Variants in GPC5 observed in about 807,000 individuals in gnomAD.
GPC5 encodes glypican-5.
In GPC5, 47 loss-of-function variants were observed where a neutral mutation model predicts 53.9. The observed-to-expected ratio is 0.87, with a 90% CI of 0.69 to 1.11. The LOEUF is 1.11. GPC5 is among the 50% of genes most tolerant of loss of function. The pLI is 0.00. For missense variants in GPC5, 748 were observed against 713.1 expected, an observed-to-expected ratio of 1.05 and a Z score of -0.56; for synonymous variants, 286 against 263.3, an observed-to-expected ratio of 1.09 and a Z score of -0.84.
In GPC5 at chr13:92,404,170, T is replaced by C. The variant is rs146138717; in HGVS notation, c.1561+259181T>C. Among the ~76,000 whole-genome samples the C allele has an allele frequency of 3.7e-3, 559 of 152,352 alleles. 1 individual carries two copies. The highest frequency in any genetic ancestry group is 0.012 in the African/African-American group (488 of 41,584). ...AGTTAAACAGAAAATGTTTTCAGAATAGCTAATCTTTCCCCCTTTATCCTC... is the reference window on the plus strand; with the variant it reads ...AGTTAAACAGAAAATGTTTTCAGAACAGCTAATCTTTCCCCCTTTATCCTC... On this transcript the variant is annotated intron_variant, in intron 7 of 7. Coordinates refer to ENST00000377067, the MANE Select transcript of GPC5 (RefSeq NM_004466.6).
intron 4 of GPC5, among the ~76,000 whole-genome samples, chr13:91,730,164 T>G (rs1479269120): frequency 6.6e-6 from 1 of 152,232 alleles, no homozygotes; most frequent in Non-Finnish European, 1.5e-5. Context: ...ATTTCAATTT[T>G]ACACTAATTT....
At chr13:92,186,557 T>TG (rs2042185232) in intron 7 of GPC5, among the ~76,000 whole-genome samples, 1 of 151,868 alleles carries the variant, frequency 6.6e-6, no homozygotes, top group Non-Finnish European at 1.5e-5. Context: ...CTTAGTAAGG[T>TG]TTTAAAATAT....
intron 6 of GPC5, among the ~76,000 whole-genome samples, chr13:92,092,897 G>T (rs2138899108): frequency 6.6e-6 from 1 of 152,206 alleles, no homozygotes; most frequent in East Asian, 1.9e-4. Context: ...GAATATATAG[G>T]CAGACATTCA....
chr13:92,106,997 T>A (rs181234079), intron 6 of GPC5, among the ~76,000 whole-genome samples: 36 of 152,270 alleles, frequency 2.4e-4, no homozygotes, highest in Middle Eastern at 3.4e-3. Context: ...AAGGGGTTTT[T>A]ACCTATATTA....
At chr13:92,361,127 A>G (rs1339189709) in intron 7 of GPC5, among the ~76,000 whole-genome samples, 3 of 151,790 alleles carry the variant, frequency 2.0e-5, no homozygotes, top group African/African-American at 7.3e-5. Context: ...GGAAAACAAT[A>G]TCTCCATTTT....
intron 7 of GPC5, among the ~76,000 whole-genome samples, chr13:92,460,144 TA>T (rs1201843895): frequency 3.9e-5 from 6 of 151,992 alleles, no homozygotes; most frequent in Admixed American, 1.3e-4. Flanking sequence ...GCCATAAAAA[TA>T]AAAAAAATTT....
At chr13:91,895,421 C>A (rs1369550665) in intron 5 of GPC5, among the ~76,000 whole-genome samples, 1 of 152,150 alleles carries the variant, frequency 6.6e-6, no homozygotes, top group Admixed American at 6.5e-5. Context: ...GAGATAATTA[C>A]CCTTGACTAC....
chr13:91,865,595 A>T (rs2039074635), intron 5 of GPC5, among the ~76,000 whole-genome samples: 1 of 151,928 alleles, frequency 6.6e-6, no homozygotes, highest in African/African-American at 2.4e-5. Context: ...CTAACGTCAC[A>T]TTTTTTTTAA....
intron 7 of GPC5, among the ~76,000 whole-genome samples, chr13:92,376,555 G>T (rs538592665): frequency 1.1e-4 from 16 of 152,288 alleles, no homozygotes; most frequent in Non-Finnish European, 1.5e-4. Context: ...ATTAAGTGCA[G>T]TAAGTTCCTC....
intron 5 of GPC5, among the ~76,000 whole-genome samples, chr13:91,893,103 C>A (rs2039404907): frequency 6.6e-6 from 1 of 151,860 alleles, no homozygotes; most frequent in Non-Finnish European, 1.5e-5. Flanking sequence ...ATTAAACAAG[C>A]AATATTAAAT....
chr13:92,559,226 TGCAATGA>T (rs1264481963), intron 7 of GPC5, among the ~76,000 whole-genome samples: 1 of 151,658 alleles, frequency 6.6e-6, no homozygotes, highest in East Asian at 2.0e-4. Context: ...AAGCATAAAA[TGCAATGA>T]CGAAAGAGAT....
At chr13:92,576,343 G>A (rs530690994) in intron 7 of GPC5, among the ~76,000 whole-genome samples, 3 of 152,226 alleles carry the variant, frequency 2.0e-5, no homozygotes, top group South Asian at 2.1e-4. Flanking sequence ...ATGGATGGGC[G>A]GTCGCTTGGG....
chr13:91,861,743 A>G (rs2039031268), intron 5 of GPC5, among the ~76,000 whole-genome samples: 1 of 85,358 alleles, frequency 1.2e-5, no homozygotes, highest in African/African-American at 3.1e-5. Flanking sequence ...AAAACTGTAC[A>G]ATCTGTTTCT....
chr13:92,139,261 C>T (rs2041809830), intron 6 of GPC5, among the ~76,000 whole-genome samples: 2 of 152,008 alleles, frequency 1.3e-5, no homozygotes, highest in Non-Finnish European at 2.9e-5. Flanking sequence ...ATTTTTTATC[C>T]CAATTTTATT....
At chr13:91,746,763 A>G (rs1215355512) in intron 4 of GPC5, among the ~76,000 whole-genome samples, 8 of 152,228 alleles carry the variant, frequency 5.3e-5, no homozygotes, top group Non-Finnish European at 8.8e-5. Flanking sequence ...AAATATTTTC[A>G]TAGACTATGC....
At chr13:92,446,220 C>T (rs1877819148) in intron 7 of GPC5, among the ~76,000 whole-genome samples, 1 of 151,452 alleles carries the variant, frequency 6.6e-6, no homozygotes, top group East Asian at 1.9e-4. Context: ...ATAATTATCC[C>T]CATTTCACCT....
At chr13:92,300,814 T>A (rs1178897908) in intron 7 of GPC5, among the ~76,000 whole-genome samples, 2 of 152,226 alleles carry the variant, frequency 1.3e-5, no homozygotes, top group East Asian at 1.9e-4. Flanking sequence ...CTTATCTTCC[T>A]TAGGAAGTGA....
At chr13:92,236,351 AATATC>A (rs1160181080) in intron 7 of GPC5, among the ~76,000 whole-genome samples, 1 of 152,126 alleles carries the variant, frequency 6.6e-6, no homozygotes, top group South Asian at 2.1e-4. Flanking sequence ...ATGCTAATGC[AATATC>A]ATATCATAGC....
At chr13:91,456,094 T>A (rs555367392) in intron 2 of GPC5, among the ~76,000 whole-genome samples, 14 of 152,264 alleles carry the variant, frequency 9.2e-5, no homozygotes, top group African/African-American at 2.9e-4. Context: ...GATAGTGAGA[T>A]AATGTATCTT....
Sources: allele counts gnomAD v4.1 joint callset (sites outside exome capture counted in the v4.1 genomes callset), GRCh38; gene constraint gnomAD v4.1.1; transcripts MANE v1.5; gene names NCBI Gene and HGNC (gene_info 2026-07-23, HGNC 2026-07-21).